Variants in CLEC16A observed in about 807,000 individuals in gnomAD.
The protein encoded by CLEC16A is protein CLEC16A.
CLEC16A carries 51 observed loss-of-function variants against 109.5 expected under a neutral mutation model. The ratio of observed to expected loss-of-function variants is 0.47; its 90% CI spans 0.37 to 0.59. The LOEUF (loss-of-function observed/expected upper bound fraction) is 0.59, where lower values mean the gene tolerates loss of function less well. Among genes scored for constraint, CLEC16A ranks in the 20% least tolerant of loss-of-function variants. CLEC16A has a pLI of 0.00. For missense variants in CLEC16A, 1,339 were observed against 1,394.0 expected (o/e 0.96, Z 0.63); for synonymous variants, 673 against 564.2 (o/e 1.19, Z -2.73).
chr16:11,003,237 A>G lies in CLEC16A; in HGVS notation c.1235A>G (p.Glu412Gly), dbSNP rs1426842214. 1 of 1,613,284 alleles carries G rather than the reference A, an allele frequency of 6.2e-7. No homozygotes were observed. Among genetic ancestry groups the G allele is most frequent in the East Asian group, 2.2e-5 (1 of 44,886 alleles). ...EEKGPTEDAQ[E>G]DAEKAKGTEG... Reference sequence around the variant, plus strand: ...AAAGGGCCCACCGAGGATGCCCAAGAAGACGCCGAGAAGGCTAAAGGTACA... The same window carrying G: ...AAAGGGCCCACCGAGGATGCCCAAGGAGACGCCGAGAAGGCTAAAGGTACA... Residue 412 changes from glutamate to glycine, a missense_variant, in exon 11 of 24, where the codon GAA becomes GGA. Transcript: ENST00000409790.
chr16:11,111,044 C>T (rs2051551237), intron 19 of CLEC16A, among the ~76,000 whole-genome samples: 1 of 152,068 alleles, frequency 6.6e-6, no homozygotes, highest in Non-Finnish European at 1.5e-5. Flanking sequence ...GTCCCCAAAA[C>T]AGCCAATCCT....
intron 3 of CLEC16A, among the ~76,000 whole-genome samples, chr16:10,963,137 G>T (rs2042335285): frequency 6.6e-6 from 1 of 152,160 alleles, no homozygotes; most frequent in African/African-American, 2.4e-5. Context: ...CTGGCTTGCA[G>T]ACGGCCACCC....
chr16:10,949,818 T>C (rs1477200691), intron 1 of CLEC16A, among the ~76,000 whole-genome samples: 1 of 152,200 alleles, frequency 6.6e-6, no homozygotes, highest in Non-Finnish European at 1.5e-5. Context: ...TGCCGTCCCC[T>C]GGTGAGTTAC....
chr16:11,069,430 A>G (rs913861230), intron 19 of CLEC16A, among the ~76,000 whole-genome samples: 3 of 150,980 alleles, frequency 2.0e-5, no homozygotes, highest in African/African-American at 7.3e-5. Flanking sequence ...TGTCTGGCCT[A>G]TTATTATTAC....
intron 19 of CLEC16A, among the ~76,000 whole-genome samples, chr16:11,092,361 AAC>A (rs3030566): frequency 0.4 from 52,426 of 132,088 alleles, 10,107 homozygotes; most frequent in East Asian, 0.49. Context: ...AACAAAAACA[AAC>A]ACACACACAC....
chr16:11,164,959 T>A (rs983337127), intron 22 of CLEC16A, among the ~76,000 whole-genome samples: 1 of 152,066 alleles, frequency 6.6e-6, no homozygotes, highest in Non-Finnish European at 1.5e-5. Flanking sequence ...TGCATTCGCT[T>A]GAGGAGTGGG....
intron 22 of CLEC16A, among the ~76,000 whole-genome samples, chr16:11,130,515 G>A (rs1324182519): frequency 3.9e-5 from 6 of 152,218 alleles, no homozygotes; most frequent in Non-Finnish European, 8.8e-5. Context: ...CATATCAACT[G>A]AATTTCACCA....
chr16:11,076,042 G>A (rs1002382207), intron 19 of CLEC16A, among the ~76,000 whole-genome samples: 72 of 151,810 alleles, frequency 4.7e-4, no homozygotes, highest in African/African-American at 1.6e-3. Context: ...ACCCAGCTCC[G>A]TCTCACTGCC....
intron 10 of CLEC16A, among the ~76,000 whole-genome samples, chr16:10,995,419 C>G (rs1355708171): frequency 6.6e-6 from 1 of 152,144 alleles, no homozygotes; most frequent in African/African-American, 2.4e-5. Flanking sequence ...AGCCAGGGGC[C>G]CAGGAGCATG....
intron 11 of CLEC16A, among the ~76,000 whole-genome samples, chr16:11,011,239 G>A (rs568402305): frequency 1.3e-5 from 2 of 152,230 alleles, no homozygotes; most frequent in African/African-American, 2.4e-5. Context: ...ATCGTAATGG[G>A]CAGGAAAAGA....
At chr16:11,029,292 TC>T (rs1159530913) in intron 13 of CLEC16A, among the ~76,000 whole-genome samples, 1 of 152,170 alleles carries the variant, frequency 6.6e-6, no homozygotes, top group Non-Finnish European at 1.5e-5. Context: ...CAGGAATTGT[TC>T]CACAGGCTTC....
intron 20 of CLEC16A, 29 bp from the exon 21 acceptor site, chr16:11,123,713 T>C (rs768819024): frequency 3.7e-6 from 6 of 1,611,584 alleles, no homozygotes; most frequent in Non-Finnish European, 5.1e-6. Context: ...ACCCAACGAA[T>C]GCCTTTTCCT....
At chr16:11,134,254 A>G (rs2153054063) in intron 22 of CLEC16A, among the ~76,000 whole-genome samples, 1 of 151,886 alleles carries the variant, frequency 6.6e-6, no homozygotes, top group East Asian at 1.9e-4. Flanking sequence ...GTACCAGGCA[A>G]AACTACGTTG....
chr16:11,167,859 C>T (rs2140955511), intron 23 of CLEC16A, among the ~76,000 whole-genome samples: 1 of 152,342 alleles, frequency 6.6e-6, no homozygotes, highest in African/African-American at 2.4e-5. Context: ...AGCTGGGAAA[C>T]TCCAGCAGAG....
intron 19 of CLEC16A, among the ~76,000 whole-genome samples, chr16:11,090,725 A>G (rs1234848402): frequency 2.0e-5 from 3 of 150,250 alleles, no homozygotes; most frequent in African/African-American, 4.9e-5. Flanking sequence ...GCTCACTGCA[A>G]CCTCTCCCTC....
chr16:11,158,652 G>A (rs1455533588), intron 22 of CLEC16A, among the ~76,000 whole-genome samples: 2 of 151,310 alleles, frequency 1.3e-5, no homozygotes, highest in Non-Finnish European at 2.9e-5. Flanking sequence ...ACCGGGAGCA[G>A]TGGCTCATAC....
intron 23 of CLEC16A, among the ~76,000 whole-genome samples, chr16:11,168,282 C>T (rs1258538395): frequency 1.3e-5 from 2 of 152,200 alleles, no homozygotes; most frequent in Non-Finnish European, 2.9e-5. Context: ...CTACCCCCAC[C>T]ATCCCCTGCA....
intron 23 of CLEC16A, among the ~76,000 whole-genome samples, chr16:11,169,997 A>G (rs564976271): frequency 6.6e-6 from 1 of 152,312 alleles, no homozygotes; most frequent in East Asian, 1.9e-4. Flanking sequence ...AGGCTGTGCA[A>G]CTTGGCCCAG....
At chr16:10,971,523 G>C (rs913670248) in intron 5 of CLEC16A, 11 of 982,884 alleles carry the variant, frequency 1.1e-5, no homozygotes, top group African/African-American at 1.7e-5. Flanking sequence ...ATTTGAGAAA[G>C]CAAAGTTGTC....
Sources: allele counts gnomAD v4.1 joint callset (sites outside exome capture counted in the v4.1 genomes callset), GRCh38; gene constraint gnomAD v4.1.1; transcripts MANE v1.5; gene names NCBI Gene and HGNC (gene_info 2026-07-23, HGNC 2026-07-21).